PPP1R42: variants seen among roughly 807,000 people sequenced by gnomAD.
The protein encoded by PPP1R42 is leucine rich repeat containing 67.
PPP1R42 carries 34 observed loss-of-function variants against 31.0 expected under a neutral mutation model. That is an observed-to-expected ratio of 1.10 (90% CI 0.83 to 1.46). The LOEUF is 1.46. Among genes scored for constraint, PPP1R42 ranks in the 40% most tolerant of loss-of-function variants. The pLI is 0.00. For missense variants in PPP1R42, 268 were observed against 303.0 expected (o/e 0.88, Z 0.86); for synonymous variants, 103 against 109.8 (o/e 0.94, Z 0.39).
intron 1 of PPP1R42, among the ~76,000 whole-genome samples, chr8:67,019,194 T>C (rs1280047598): frequency 1.3e-5 from 2 of 148,656 alleles, no homozygotes; most frequent in African/African-American, 5.0e-5. Context: ...ATGCCTCAGC[T>C]GGGACCTACA....
At chr8:66,967,894 C>T (rs569615417) in intron 7 of PPP1R42, among the ~76,000 whole-genome samples, 6 of 150,730 alleles carry the variant, frequency 4.0e-5, no homozygotes, top group Admixed American at 1.3e-4. Flanking sequence ...TTGTATGGTG[C>T]TACACAGTAT....
At chr8:67,009,109 A>G (rs1319001852) in intron 5 of PPP1R42, among the ~76,000 whole-genome samples, 1 of 150,172 alleles carries the variant, frequency 6.7e-6, no homozygotes, top group Non-Finnish European at 1.5e-5. Flanking sequence ...TGTCTCTACT[A>G]AAATACAAAA....
intron 5 of PPP1R42, among the ~76,000 whole-genome samples, chr8:67,003,958 C>T (rs543627283): frequency 1.2e-3 from 184 of 152,132 alleles, no homozygotes; most frequent in African/African-American, 4.3e-3. Flanking sequence ...GGCGTGGTGG[C>T]GGGCGCCTGT....
intron 4 of PPP1R42, among the ~76,000 whole-genome samples, chr8:67,012,314 A>C (rs1239601754): frequency 6.6e-6 from 1 of 152,178 alleles, no homozygotes; most frequent in Non-Finnish European, 1.5e-5. Context: ...CCTGCCCCAG[A>C]ATTAAAGTTA....
intron 5 of PPP1R42, among the ~76,000 whole-genome samples, chr8:66,991,286 T>C (rs1194704759): frequency 1.3e-5 from 2 of 152,232 alleles, no homozygotes; most frequent in Non-Finnish European, 2.9e-5. Context: ...AGTTCATGGC[T>C]CAACTTAGCC....
chr8:66,976,875 G>T (rs1171663979), intron 7 of PPP1R42, among the ~76,000 whole-genome samples: 1 of 152,096 alleles, frequency 6.6e-6, no homozygotes, highest in Non-Finnish European at 1.5e-5. Context: ...TGAGGGTGTG[G>T]ATGTCTCCTT....
chr8:67,021,788 T>G (rs934923182), intron 1 of PPP1R42, among the ~76,000 whole-genome samples: 1 of 152,150 alleles, frequency 6.6e-6, no homozygotes, highest in Non-Finnish European at 1.5e-5. Flanking sequence ...TTTCACAATT[T>G]TACATGTTAT....
At chr8:66,994,933 T>C (rs1338439136) in intron 5 of PPP1R42, among the ~76,000 whole-genome samples, 1 of 152,208 alleles carries the variant, frequency 6.6e-6, no homozygotes, top group African/African-American at 2.4e-5. Flanking sequence ...CTTAGGTCCA[T>C]ATAAAAGCAG....
At chr8:67,013,775 C>G (rs1563430707) in intron 3 of PPP1R42, among the ~76,000 whole-genome samples, 1 of 152,048 alleles carries the variant, frequency 6.6e-6, no homozygotes, top group Non-Finnish European at 1.5e-5. Context: ...CCTGGAGATT[C>G]TAATTTGGAT....
intron 6 of PPP1R42, chr8:66,985,861 C>G (rs185623890): frequency 8.4e-7 from 1 of 1,185,792 alleles, no homozygotes; most frequent in East Asian, 2.4e-5. Flanking sequence ...TCACCTCTGG[C>G]TCTTCTTCCA....
chr8:66,999,296 C>G (rs1437928282), intron 5 of PPP1R42, among the ~76,000 whole-genome samples: 1 of 152,190 alleles, frequency 6.6e-6, no homozygotes, highest in Non-Finnish European at 1.5e-5. Context: ...TCTCGGCTCA[C>G]TGCACCCTCC....
At chr8:66,979,991 T>TA (rs1428145917) in intron 7 of PPP1R42, among the ~76,000 whole-genome samples, 3 of 152,124 alleles carry the variant, frequency 2.0e-5, no homozygotes, top group Admixed American at 6.6e-5. Context: ...ATTAAATATT[T>TA]AAAAAGTGAC....
chr8:67,014,450 C>G lies in PPP1R42; in HGVS notation c.272G>C (p.Arg91Thr), dbSNP rs74818824. The change falls in exon 3 of 8, where the codon AGG becomes ACG. Residue 91 changes from arginine (R) to threonine (T), a missense_variant. Arg to Thr is a moderately conservative substitution (Grantham distance 71). Coordinates refer to ENST00000685739, the MANE Select transcript of PPP1R42 (RefSeq NM_001364910.1). ...CAGTTTTTCCAGTTTCTTTAATGACCTGAGGTTCTCTATACATGAAATACA... is the reference window on the plus strand; with the variant it reads ...CAGTTTTTCCAGTTTCTTTAATGACGTGAGGTTCTCTATACATGAAATACA... ...NNCISCIENL[R>T]SLKKLEKLYL... The G allele has an allele frequency of 3.6e-4, 559 of 1,543,246 alleles. 2 individuals carry two copies. In the African/African-American group the frequency reaches 6.9e-3, roughly 19 times the overall value.
At chr8:66,997,715 T>TA (rs1379114144) in intron 5 of PPP1R42, among the ~76,000 whole-genome samples, 89 of 143,376 alleles carry the variant, frequency 6.2e-4, no homozygotes, top group East Asian at 3.4e-3. Context: ...TAATTTTTTT[T>TA]AAAAAAAAAA....
At chr8:66,976,064 C>T (rs574042424) in intron 7 of PPP1R42, among the ~76,000 whole-genome samples, 1 of 152,116 alleles carries the variant, frequency 6.6e-6, no homozygotes, top group Non-Finnish European at 1.5e-5. Context: ...CTCCATAACT[C>T]GCATTACCAC....
intron 6 of PPP1R42, among the ~76,000 whole-genome samples, chr8:66,987,075 TTAA>T (rs745623610): frequency 6.6e-4 from 100 of 152,150 alleles, no homozygotes; most frequent in Non-Finnish European, 1.2e-3. Flanking sequence ...TCTATTTTTA[TTAA>T]TAATTATATA....
intron 7 of PPP1R42, among the ~76,000 whole-genome samples, chr8:66,976,360 G>T (rs187395364): frequency 2.6e-5 from 4 of 152,252 alleles, no homozygotes; most frequent in Admixed American, 2.6e-4. Context: ...TAATGTACTT[G>T]TATCATCCCA....
intron 1 of PPP1R42, among the ~76,000 whole-genome samples, chr8:67,018,378 A>G (rs1257742846): frequency 1.3e-5 from 2 of 151,826 alleles, no homozygotes; most frequent in Non-Finnish European, 2.9e-5. Flanking sequence ...TCGGCCTCCC[A>G]AAGTGCTGAG....
intron 5 of PPP1R42, among the ~76,000 whole-genome samples, chr8:67,007,893 T>TG (rs1472254106): frequency 6.7e-6 from 1 of 148,816 alleles, no homozygotes; most frequent in African/African-American, 2.5e-5. Context: ...CCTTTTTTTT[T>TG]TTTTTTTTTT....
Sources: gnomAD v4.1 joint callset for allele counts (sites outside exome capture counted in the v4.1 genomes callset) on GRCh38, gnomAD v4.1.1 for gene constraint, MANE v1.5 for transcripts, NCBI Gene and HGNC (gene_info 2026-07-23, HGNC 2026-07-21) for gene names.